The following PCDHGC5 variants were observed in gnomAD, a reference collection of about 807,000 sequenced individuals.
PCDHGC5 encodes the protein protocadherin gamma subfamily C, 5, also known as protocadherin gamma-C5.
PCDHGC5 carries 25 observed loss-of-function variants against 59.0 expected under a neutral mutation model. The ratio of observed to expected loss-of-function variants is 0.42; its 90% CI spans 0.31 to 0.59. PCDHGC5 has a LOEUF of 0.59. Among genes scored for constraint, PCDHGC5 ranks in the 20% least tolerant of loss-of-function variants. The pLI, the probability that PCDHGC5 is intolerant of heterozygous loss-of-function variation, is 0.13. For missense variants in PCDHGC5, 1,067 were observed against 1,206.4 expected (o/e 0.88, Z 1.71); for synonymous variants, 434 against 505.5 (o/e 0.86, Z 1.90).
chr5:141,510,252 G>A (rs1342841474), intron 3 of PCDHGC5, among the ~76,000 whole-genome samples: 4 of 148,432 alleles, frequency 2.7e-5, no homozygotes, highest in Admixed American at 1.3e-4. Context: ...CAGGCTGGGC[G>A]ACAGAGCAGG....
intron 1 of PCDHGC5, chr5:141,492,027 A>T (rs1157170828): frequency 8.8e-6 from 5 of 565,466 alleles, no homozygotes; most frequent in African/African-American, 7.7e-5. Flanking sequence ...GGGTCCCGGG[A>T]GGAGGCAGTC....
Position 141,489,560 on chromosome 5 carries a change from A to G in PCDHGC5, c.320A>G (p.Gln107Arg). The change falls in exon 1 of 4, where the codon CAG (glutamine) becomes CGG (arginine). Residue 107 changes from glutamine to arginine, a missense_variant. Coordinates refer to ENST00000252087, the MANE Select transcript of PCDHGC5 (RefSeq NM_018929.3). The surrounding 1 kb of genome is among the most constrained non-coding windows in gnomAD (Gnocchi z 4.5). Reference sequence around the variant, plus strand: ...AGCACCAGCTGCCTGCTGCCAGTGCAGGTGGTGACTGAACACCCCCTGGAG... The same window carrying G: ...AGCACCAGCTGCCTGCTGCCAGTGCGGGTGGTGACTGAACACCCCCTGGAG... Reference protein sequence around the residue: ...GASTSCLLPVQVVTEHPLELI... With the variant: ...GASTSCLLPVRVVTEHPLELI... 1.2e-6 allele frequency: 2 copies of G among 1,614,142 alleles called. No homozygotes were observed. The highest frequency in any genetic ancestry group is 1.7e-6 in the Non-Finnish European group (2 of 1,180,030).
intron 3 of PCDHGC5, among the ~76,000 whole-genome samples, chr5:141,509,776 C>T (rs898626809): frequency 7.2e-5 from 11 of 152,140 alleles, no homozygotes; most frequent in African/African-American, 9.7e-5. Context: ...GTCTAGTCCC[C>T]GAGATCATCA....
chr5:141,493,983 A>G lies in PCDHGC5; in HGVS notation c.2461-824A>G, dbSNP rs2099751203. Among the ~76,000 whole-genome samples the G allele has an allele frequency of 6.6e-6, 1 of 152,194 alleles. No homozygotes were observed. The highest frequency in any genetic ancestry group is 6.5e-5 in the Admixed American group (1 of 15,278). ...TGGCTGGCCAGAGCCCCACACCTTC[A>G]GCTAGGTGGGAGATGGCTACACATC... On this transcript the variant is annotated intron_variant, in intron 1 of 3. Coordinates refer to ENST00000252087, the MANE Select transcript of PCDHGC5 (RefSeq NM_018929.3). The surrounding 1 kb of genome is among the most constrained non-coding windows in gnomAD (Gnocchi z 4.3).
In PCDHGC5 at chr5:141,490,453, T is replaced by C; in HGVS notation, c.1213T>C (p.Ser405Pro). 6.2e-7 allele frequency: 1 copy of C among 1,614,178 alleles called. No homozygotes were observed. Among genetic ancestry groups the C allele is most frequent in the Non-Finnish European group, 8.5e-7 (1 of 1,180,042 alleles). ...GATTAAGCCTTCTGAGAACCACTAC[T>C]CGCTGCTAACCAGCCAGCCTTTGGA... ...FQIKPSENHY[S>P]LLTSQPLDRE... Residue 405 changes from serine to proline, a missense_variant, in exon 1 of 4, where the codon TCG becomes CCG. Coordinates refer to ENST00000252087, the MANE Select transcript of PCDHGC5 (RefSeq NM_018929.3). This position sits in a 1 kb window ranked among gnomAD's most constrained non-coding sequence, Gnocchi z 5.4.
At chr5:141,505,261 T>C in intron 2 of PCDHGC5, 132 bp from the exon 3 acceptor site, 1 of 1,505,282 alleles carries the variant, frequency 6.6e-7, no homozygotes. Context: ...GCCTCCTACC[T>C]TGCTGAGAGA....
intron 2 of PCDHGC5, among the ~76,000 whole-genome samples, chr5:141,501,751 C>G (rs188896150): frequency 1.4e-3 from 218 of 152,250 alleles, no homozygotes; most frequent in South Asian, 3.1e-3. Flanking sequence ...ATAGGAAGCT[C>G]TCAGTAAATG....
In PCDHGC5 at chr5:141,489,576, C is replaced by T; in HGVS notation, c.336C>T (p.His112=). 1.9e-6 allele frequency: 3 copies of T among 1,614,054 alleles called. No individual in the cohort carries two copies. Among genetic ancestry groups the T allele is most frequent in the Non-Finnish European group, 2.5e-6 (3 of 1,179,976 alleles). ...CLLPVQVVTE[H]PLELIRVEVE... is the part of the protein sequence containing the mutation. Reference sequence around the variant, plus strand: ...TGCCAGTGCAGGTGGTGACTGAACACCCCCTGGAGCTAATCCGTGTAGAGG... The same window carrying T: ...TGCCAGTGCAGGTGGTGACTGAACATCCCCTGGAGCTAATCCGTGTAGAGG... Residue 112 remains histidine (H), a synonymous_variant, in exon 1 of 4, where the codon CAC becomes CAT. Coordinates refer to ENST00000252087, the MANE Select transcript of PCDHGC5 (RefSeq NM_018929.3). This position sits in a 1 kb window ranked among gnomAD's most constrained non-coding sequence, Gnocchi z 4.5.
chr5:141,491,332 C>T lies in PCDHGC5; in HGVS notation c.2092C>T (p.Leu698=), dbSNP rs1013118722. 2 of 1,614,072 alleles carry T rather than the reference C, an allele frequency of 1.2e-6. No individual in the cohort carries two copies. The highest frequency in any genetic ancestry group is 2.7e-5 in the African/African-American group (2 of 74,944). The change falls in exon 1 of 4, where the codon CTA becomes TTA. Residue 698 remains leucine (L), a synonymous_variant. Coordinates refer to ENST00000252087, the MANE Select transcript of PCDHGC5 (RefSeq NM_018929.3). This position sits in a 1 kb window ranked among gnomAD's most constrained non-coding sequence, Gnocchi z 6.9. ...SDLTLYLIVA[L]ATVSLLSLVT... is the part of the protein sequence containing the mutation. ...CCTTACCCTTTACCTCATTGTGGCT[C>T]TAGCGACCGTCAGTCTCTTATCCCT...
rs761227475 is a variant in PCDHGC5 at position 141,489,382 on chromosome 5, G to A, written c.142G>A (p.Val48Ile). 4 of 1,613,872 alleles carry A rather than the reference G, an allele frequency of 2.5e-6. No homozygotes were observed. The highest frequency in any genetic ancestry group is 1.7e-5 in the Admixed American group (1 of 60,006). Residue 48 changes from valine to isoleucine, a missense_variant, in exon 1 of 4, where the codon GTT (valine) becomes ATT (isoleucine). Val to Ile is a conservative substitution (Grantham distance 29). Coordinates refer to ENST00000252087, the MANE Select transcript of PCDHGC5 (RefSeq NM_018929.3). The surrounding 1 kb of genome is among the most constrained non-coding windows in gnomAD (Gnocchi z 4.5). ...TGAGCCGGGGACGCTGGTGGGGAATGTTGCTCAGGATCTGGGCTTAAAGAT... is the reference window on the plus strand; with the variant it reads ...TGAGCCGGGGACGCTGGTGGGGAATATTGCTCAGGATCTGGGCTTAAAGAT... The part of the protein sequence containing the change: ...ESEPGTLVGN[V>I]AQDLGLKMTD...
At position 141,493,482 on chromosome 5, in the gene PCDHGC5, G is replaced by A. The variant is rs184736387; in HGVS notation, c.2461-1325G>A. ...TTTTAGGACCTTACATGTGGGGAAA[G>A]TCTTCTGTGGCTCCTCATTTCTGAG... On this transcript the variant is annotated intron_variant, in intron 1 of 3. Coordinates refer to ENST00000252087, the MANE Select transcript of PCDHGC5 (RefSeq NM_018929.3). This position sits in a 1 kb window ranked among gnomAD's most constrained non-coding sequence, Gnocchi z 4.3. Among the ~76,000 whole-genome samples the A allele has an allele frequency of 1.5e-3, 229 of 152,324 alleles. No homozygotes were observed. Among genetic ancestry groups the A allele is most frequent in the Non-Finnish European group, 2.2e-3 (147 of 68,030 alleles).
chr5:141,501,331 A>ACC (rs906542724), intron 2 of PCDHGC5, among the ~76,000 whole-genome samples: 1 of 138,846 alleles, frequency 7.2e-6, no homozygotes, highest in Non-Finnish European at 1.6e-5. Flanking sequence ...ACACACACAC[A>ACC]CACCCCAAAC....
chr5:141,492,787 G>A (rs1308203463), intron 1 of PCDHGC5, among the ~76,000 whole-genome samples: 2 of 152,254 alleles, frequency 1.3e-5, no homozygotes, highest in Admixed American at 6.5e-5. Context: ...AGCCTCTATA[G>A]GACAGCAGGA....
chr5:141,490,565 T>C lies in PCDHGC5; in HGVS notation c.1325T>C (p.Leu442Pro). ...CTACACAAACATCTCACCATCAGGC[T>C]CAACATTTCAGATGTCAATGACAAT... ...PSLHKHLTIRLNISDVNDNAP... is the reference protein window; with the variant it reads ...PSLHKHLTIRPNISDVNDNAP... The change falls in exon 1 of 4, where the codon CTC becomes CCC. Residue 442 changes from leucine to proline, a missense_variant. Coordinates refer to ENST00000252087, the MANE Select transcript of PCDHGC5 (RefSeq NM_018929.3). This position sits in a 1 kb window ranked among gnomAD's most constrained non-coding sequence, Gnocchi z 5.4. 8 of 1,614,116 alleles carry C rather than the reference T, an allele frequency of 5.0e-6. No individual in the cohort carries two copies. Among genetic ancestry groups the C allele is most frequent in the Non-Finnish European group, 6.8e-6 (8 of 1,180,024 alleles).
At position 141,490,688 on chromosome 5, in the gene PCDHGC5, C is replaced by A; in HGVS notation, c.1448C>A (p.Thr483Asn). ...LCTVAASDPDTGDNARLTYSI... is the reference protein window; with the variant it reads ...LCTVAASDPDNGDNARLTYSI... ...ACTGTGGCTGCCTCAGATCCAGACA[C>A]TGGGGATAATGCCCGCCTCACCTAC... The change falls in exon 1 of 4, where the codon ACT (threonine) becomes AAT (asparagine). Residue 483 changes from threonine (T) to asparagine (N), a missense_variant. Coordinates refer to ENST00000252087, the MANE Select transcript of PCDHGC5 (RefSeq NM_018929.3). The surrounding 1 kb of genome is among the most constrained non-coding windows in gnomAD (Gnocchi z 5.4). The A allele has an allele frequency of 6.2e-7, 1 of 1,614,218 alleles. No individual in the cohort carries two copies. The highest frequency in any genetic ancestry group is 8.5e-7 in the Non-Finnish European group (1 of 1,180,032).
chr5:141,490,030 C>G lies in PCDHGC5; in HGVS notation c.790C>G (p.Leu264Val), dbSNP rs1361758608. The G allele has an allele frequency of 1.2e-6, 2 of 1,614,150 alleles. No individual in the cohort carries two copies. Among genetic ancestry groups the G allele is most frequent in the African/African-American group, 2.7e-5 (2 of 74,936 alleles). ...NAPIGTLLLR[L>V]NATDPDEGTN... The stretch of plus-strand genomic sequence containing the variant: ...ACCCATTGGTACTCTGCTGCTCCGC[C>G]TCAATGCCACTGATCCAGACGAGGG... The change falls in exon 1 of 4, where the codon CTC becomes GTC. Residue 264 changes from leucine to valine, a missense_variant. Coordinates refer to ENST00000252087, the MANE Select transcript of PCDHGC5 (RefSeq NM_018929.3). This position sits in a 1 kb window ranked among gnomAD's most constrained non-coding sequence, Gnocchi z 5.4.
intron 3 of PCDHGC5, 56 bp from the exon 4 acceptor site, chr5:141,510,891 G>A (rs945706652): frequency 8.7e-6 from 14 of 1,612,762 alleles, no homozygotes; most frequent in Middle Eastern, 1.6e-4. Flanking sequence ...ATATAAGACA[G>A]TGACTGTTGA....
rs2099687792 is a variant in PCDHGC5, at chr5:141,489,485, G to GT, written c.246dup (p.Ala83CysfsTer9). Reference sequence around the variant, plus strand: ...TATTTTTCCCTGAGCTTGATGAGTGGTGCCCTGGCAGTGAATCAAAAGATT... The same window carrying GT: ...TATTTTTCCCTGAGCTTGATGAGTGGTTGCCCTGGCAGTGAATCAAAAGATT... On this transcript the variant is annotated frameshift_variant, in exon 1 of 4. Coordinates refer to ENST00000252087, the MANE Select transcript of PCDHGC5 (RefSeq NM_018929.3). LOFTEE classifies it high-confidence loss of function. This position sits in a 1 kb window ranked among gnomAD's most constrained non-coding sequence, Gnocchi z 4.5. The GT allele has an allele frequency of 6.2e-7, 1 of 1,614,088 alleles. No individual in the cohort carries two copies. The highest frequency in any genetic ancestry group is 2.2e-5 in the East Asian group (1 of 44,868).
intron 1 of PCDHGC5, 129 bp from the exon 2 acceptor site, chr5:141,494,678 G>T: frequency 1.3e-6 from 2 of 1,554,384 alleles, no homozygotes; most frequent in East Asian, 4.7e-5. Flanking sequence ...GTCCACCCCT[G>T]CCCCCTCTTA....
Sources: gnomAD v4.1 joint callset for allele counts (sites outside exome capture counted in the v4.1 genomes callset) on GRCh38, gnomAD v4.1.1 for gene constraint, Gnocchi (gnomAD v3.1) non-coding constraint, MANE v1.5 for transcripts, NCBI Gene and HGNC (gene_info 2026-07-23, HGNC 2026-07-21) for gene names.